LY96: variants seen among roughly 807,000 people sequenced by gnomAD.
LY96 encodes the protein lymphocyte antigen 96.
LY96 carries 18 observed loss-of-function variants against 18.9 expected under a neutral mutation model. That is an observed-to-expected ratio of 0.95 (90% CI 0.66 to 1.41). The LOEUF is 1.41. Among genes scored for constraint, LY96 ranks in the 40% most tolerant of loss-of-function variants. LY96 has a pLI of 0.00. For missense variants in LY96, 175 were observed against 182.4 expected (o/e 0.96, Z 0.23); for synonymous variants, 66 against 62.6 (o/e 1.06, Z -0.26).
At chr8:74,018,617 T>C (rs994395605) in intron 3 of LY96, among the ~76,000 whole-genome samples, 1 of 152,182 alleles carries the variant, frequency 6.6e-6, no homozygotes, top group African/African-American at 2.4e-5. Context: ...CAACAGAATA[T>C]ACATTCTTCT....
At chr8:74,032,475 C>T (rs1816986460), downstream of LY96, among the ~76,000 whole-genome samples, 1 of 152,234 alleles carries the variant, frequency 6.6e-6, no homozygotes, top group African/African-American at 2.4e-5. Flanking sequence ...TTCTGATTAC[C>T]TGTGCTTGCA....
intron 3 of LY96, among the ~76,000 whole-genome samples, chr8:74,017,226 A>G (rs1816662990): frequency 6.6e-6 from 1 of 152,248 alleles, no homozygotes; most frequent in Non-Finnish European, 1.5e-5. Flanking sequence ...ATGGAGATGA[A>G]AAGCGTGGCA....
downstream of LY96, chr8:74,029,089 A>T (rs1434853179): frequency 7.7e-7 from 1 of 1,306,278 alleles, no homozygotes; most frequent in South Asian, 1.2e-5. Context: ...ATTTAAAGGT[A>T]TTGTTCCTGT....
rs368426773 is a variant in LY96 at position 74,010,144 on chromosome 8, C to T, written c.331+15C>T. 1.3e-5 allele frequency: 21 copies of T among 1,604,906 alleles called. No homozygotes were observed. The highest frequency in any genetic ancestry group is 1.8e-5 in the Non-Finnish European group (21 of 1,172,294). On this transcript the variant is annotated intron_variant, in intron 3 of 4. Coordinates refer to ENST00000284818, the MANE Select transcript of LY96 (RefSeq NM_015364.5). ...TCTGAAGGGAGGTAAGTATTCAGTTCATATTACTTTTAGAATAGGAAATAA... is the reference window on the plus strand; with the variant it reads ...TCTGAAGGGAGGTAAGTATTCAGTTTATATTACTTTTAGAATAGGAAATAA...
the LY96 span, among the ~76,000 whole-genome samples, chr8:74,043,089 T>A: frequency 6.3e-3 from 953 of 152,300 alleles, 9 homozygotes; most frequent in East Asian, 0.035. Context: ...TGTTACCTTT[T>A]GAAGAAGAAA....
At chr8:74,038,123 G>T in the LY96 span, among the ~76,000 whole-genome samples, 20 of 152,084 alleles carry the variant, frequency 1.3e-4, no homozygotes, top group Admixed American at 4.6e-4. Flanking sequence ...ATATAGATAT[G>T]CAATGTGTAA....
At chr8:73,996,353 CTTCCTTCCTTCCTTCA>C (rs1360208464) in intron 1 of LY96, among the ~76,000 whole-genome samples, 5 of 128,526 alleles carry the variant, frequency 3.9e-5, no homozygotes, top group Admixed American at 1.6e-4. Flanking sequence ...TCCTTCCTTC[CTTCCTTCCTTCCTTCA>C]TTCCTTTCTT....
the LY96 span, among the ~76,000 whole-genome samples, chr8:74,093,542 A>T: frequency 6.6e-6 from 1 of 152,258 alleles, no homozygotes; most frequent in African/African-American, 2.4e-5. Context: ...ACAAATGTTT[A>T]CCACAGTGTA....
At chr8:74,019,877 A>G (rs147547464) in intron 3 of LY96, among the ~76,000 whole-genome samples, 3,196 of 152,330 alleles carry the variant, frequency 0.021, 123 homozygotes, top group Admixed American at 0.078. Context: ...ACAGCCTTTC[A>G]TGCTAAAAAC....
chr8:74,057,748 C>T, the LY96 span, among the ~76,000 whole-genome samples: 1 of 152,198 alleles, frequency 6.6e-6, no homozygotes, highest in South Asian at 2.1e-4. Context: ...TCTGAACTCA[C>T]TAAAATGGCG....
At chr8:74,096,737 A>G in the LY96 span, among the ~76,000 whole-genome samples, 1 of 152,222 alleles carries the variant, frequency 6.6e-6, no homozygotes, top group African/African-American at 2.4e-5. Flanking sequence ...ATGATGGTAT[A>G]TGACACATAG....
At chr8:74,077,499 G>A in the LY96 span, among the ~76,000 whole-genome samples, 3 of 152,104 alleles carry the variant, frequency 2.0e-5, no homozygotes, top group Non-Finnish European at 4.4e-5. Context: ...AAGGTGCCTA[G>A]GGATTTGCTC....
At chr8:74,080,990 CT>C in the LY96 span, among the ~76,000 whole-genome samples, 2 of 78,926 alleles carry the variant, frequency 2.5e-5, no homozygotes, top group South Asian at 4.6e-4. Flanking sequence ...CTCTCTCTTT[CT>C]TTCTTTCTTT....
chr8:73,992,246 G>T (rs1307524478), intron 1 of LY96, among the ~76,000 whole-genome samples: 1 of 152,074 alleles, frequency 6.6e-6, no homozygotes, highest in Non-Finnish European at 1.5e-5. Flanking sequence ...AGTGTCCTGG[G>T]ATCTGAAGGC....
At chr8:74,014,493 T>G (rs1816601428) in intron 3 of LY96, among the ~76,000 whole-genome samples, 1 of 151,320 alleles carries the variant, frequency 6.6e-6, no homozygotes, top group Non-Finnish European at 1.5e-5. Flanking sequence ...GGTTTTTTTT[T>G]TTTTTTTTTT....
the LY96 span, among the ~76,000 whole-genome samples, chr8:74,060,178 GACA>G: frequency 6.6e-6 from 1 of 152,014 alleles, no homozygotes; most frequent in African/African-American, 2.4e-5. Flanking sequence ...CGACGACGAC[GACA>G]ACGAAAAACT....
chr8:74,074,713 T>G, the LY96 span, among the ~76,000 whole-genome samples: 1 of 152,212 alleles, frequency 6.6e-6, no homozygotes, highest in East Asian at 1.9e-4. Flanking sequence ...TCAAGAAAAT[T>G]TTCAGTTTCC....
intron 1 of LY96, among the ~76,000 whole-genome samples, chr8:74,003,753 A>G (rs1816349849): frequency 6.6e-6 from 1 of 152,202 alleles, no homozygotes. Flanking sequence ...AGTGTTTATC[A>G]AGACTTTTCC....
chr8:74,047,102 A>G, the LY96 span, among the ~76,000 whole-genome samples: 1 of 152,092 alleles, frequency 6.6e-6, no homozygotes, highest in East Asian at 1.9e-4. Context: ...GGGTTTCACC[A>G]TGTTGGCCAG....
Sources: allele counts gnomAD v4.1 joint callset (sites outside exome capture counted in the v4.1 genomes callset), GRCh38; gene constraint gnomAD v4.1.1; transcripts MANE v1.5; gene names NCBI Gene and HGNC (gene_info 2026-07-23, HGNC 2026-07-21).